Variants in ISM2 observed in about 807,000 individuals in gnomAD.
The protein encoded by ISM2 is isthmin 2.
In ISM2, 50 loss-of-function variants were observed where a neutral mutation model predicts 58.0. That is an observed-to-expected ratio of 0.86 (90% CI 0.69 to 1.09). The LOEUF (loss-of-function observed/expected upper bound fraction) is 1.09. ISM2 is among the 50% of genes least tolerant of loss of function. The probability of loss-of-function intolerance (pLI) is 0.00; values close to 1 mark genes in which losing one functional copy is unlikely to be tolerated. For synonymous variants in ISM2, 303 were observed against 312.4 expected (o/e 0.97, Z 0.32); for missense variants, 723 against 745.0 (o/e 0.97, Z 0.34).
chr14:77,476,110 C>T lies in ISM2; in HGVS notation c.1201G>A (p.Val401Met). ...TTCAGCCACTTCTCACAGCTGTCCA[C>T]ATCTGCAAAGGGCCACAAAGTGCAG... is the stretch of plus-strand genomic sequence containing the variant. ...RNATDMHDQD[V>M]DSCEKWLNCK... The change falls in exon 7 of 7, where the codon GTG (valine) becomes ATG (methionine). Residue 401 changes from valine (V) to methionine (M), a missense_variant and splice_region_variant. Val to Met is a conservative substitution (Grantham distance 21). Coordinates refer to ENST00000342219, the MANE Select transcript of ISM2 (RefSeq NM_199296.3). The T allele has an allele frequency of 1.3e-6, 2 of 1,514,914 alleles. No homozygotes were observed. The highest frequency in any genetic ancestry group is 1.8e-6 in the Non-Finnish European group (2 of 1,136,282). 93.8% of individuals were successfully genotyped at this position (1,514,914 alleles called of 1,614,324 possible).
Position 77,476,172 on chromosome 14 carries a change from C to T in ISM2, c.1199-60G>A, listed in dbSNP as rs116040727. 7,049 of 1,487,734 alleles carry T rather than the reference C, an allele frequency of 4.7e-3. 280 individuals carry two copies. In the African/African-American group the frequency reaches 0.086, roughly 18 times the overall value. The allele number at this position is 1,487,734 out of a possible 1,614,324, so 92.2% of individuals were successfully genotyped here. A position where few individuals can be genotyped will look rare whatever the true frequency, so the allele number is the denominator to read the frequency against. On this transcript the variant is annotated intron_variant, in intron 6 of 6. Transcript: ENST00000342219. ...GTGACAGAGCCAGGCCCGTGTGGGG[C>T]GGGGACTGATTAAGGGCCAGTGCAT...
At chr14:77,493,107 C>T (rs2139972268) in intron 1 of ISM2, among the ~76,000 whole-genome samples, 1 of 152,264 alleles carries the variant, frequency 6.6e-6, no homozygotes, top group South Asian at 2.1e-4. Context: ...AAGCAATTCT[C>T]CCACTTCAGC....
chr14:77,478,184 C>A, intron 6 of ISM2, 58 bp downstream of exon 6: 1 of 1,398,992 alleles, frequency 7.1e-7, no homozygotes, highest in Non-Finnish European at 1.0e-6. Flanking sequence ...TAATACCCCA[C>A]CCTCCCCTGA....
chr14:77,483,031 C>A (rs981933969), intron 3 of ISM2: 9 of 196,298 alleles, frequency 4.6e-5, no homozygotes, highest in Non-Finnish European at 8.1e-5. Flanking sequence ...ATCTGCTGGA[C>A]CTGGGCAGCT....
rs939468990 is a variant in ISM2, at chr14:77,482,312, G to A, written c.973+10C>T. 5.6e-6 allele frequency: 9 copies of A among 1,602,532 alleles called. No homozygotes were observed. In the Admixed American group the frequency reaches 8.4e-5, roughly 15 times the overall value. On this transcript the variant is annotated intron_variant, in intron 4 of 6. Coordinates refer to ENST00000342219, the MANE Select transcript of ISM2 (RefSeq NM_199296.3). Reference sequence around the variant, plus strand: ...GAGCAGCCTGGGGATGCCAAGATGGGGGTGCTCACCGTAGCTGACAGAATC... The same window carrying A: ...GAGCAGCCTGGGGATGCCAAGATGGAGGTGCTCACCGTAGCTGACAGAATC...
intron 4 of ISM2, 143 bp from the exon 5 acceptor site, chr14:77,478,858 C>CCACCG: frequency 2.6e-6 from 2 of 763,722 alleles, no homozygotes; most frequent in Admixed American, 2.6e-5. Context: ...GGCTGGATTT[C>CCACCG]AGCTTCCACC....
chr14:77,476,187 G>GA, intron 6 of ISM2, 75 bp from the exon 7 acceptor site: 1 of 1,460,470 alleles, frequency 6.8e-7, no homozygotes, highest in Non-Finnish European at 9.1e-7. Flanking sequence ...ACTGATTAAG[G>GA]GCCAGTGCAT....
At position 77,484,362 on chromosome 14, in the gene ISM2, C is replaced by T; in HGVS notation, c.588G>A (p.Leu196=). Reference sequence around the variant, plus strand: ...TAGGGGTACTCAAGGTTGCGTGGACCAATTCTGGCAGCTTCTGCAGCTCCA... The same window carrying T: ...TAGGGGTACTCAAGGTTGCGTGGACTAATTCTGGCAGCTTCTGCAGCTCCA... ...LLLELQKLPE[L]VHATLSTPNP... The change falls in exon 3 of 7, where the codon TTG becomes TTA. Residue 196 remains leucine, a synonymous_variant. Transcript: ENST00000342219. 1 of 1,611,954 alleles carries T rather than the reference C, an allele frequency of 6.2e-7. No homozygotes were observed. Among genetic ancestry groups the T allele is most frequent in the Non-Finnish European group, 8.5e-7 (1 of 1,179,054 alleles).
At chr14:77,488,016 C>T (rs867920101) in intron 1 of ISM2, among the ~76,000 whole-genome samples, 8 of 152,122 alleles carry the variant, frequency 5.3e-5, no homozygotes, top group South Asian at 2.1e-4. Flanking sequence ...GGATCAGGGC[C>T]GGGCACCCAG....
chr14:77,484,120 G>T, intron 3 of ISM2: 1 of 606,158 alleles, frequency 1.6e-6, no homozygotes, highest in Non-Finnish European at 2.8e-6. Flanking sequence ...CAAAAGACTT[G>T]CCCAAGGCCC....
At chr14:77,495,478 T>C (rs2079233341) in intron 1 of ISM2, among the ~76,000 whole-genome samples, 1 of 152,222 alleles carries the variant, frequency 6.6e-6, no homozygotes, top group Admixed American at 6.5e-5. Flanking sequence ...AAAGTATTCA[T>C]GCCAAGTGAG....
intron 1 of ISM2, among the ~76,000 whole-genome samples, chr14:77,487,087 C>CA (rs948823967): frequency 1.3e-5 from 2 of 150,460 alleles, no homozygotes; most frequent in African/African-American, 2.4e-5. Flanking sequence ...ACTAAAAATA[C>CA]AAAAAAAATT....
At chr14:77,489,699 C>A (rs1295456292) in intron 1 of ISM2, among the ~76,000 whole-genome samples, 1 of 152,144 alleles carries the variant, frequency 6.6e-6, no homozygotes, top group Non-Finnish European at 1.5e-5. Flanking sequence ...CCAGCGGAGG[C>A]TGCAAAGCTC....
At chr14:77,486,443 G>A (rs1191962875) in intron 1 of ISM2, among the ~76,000 whole-genome samples, 4 of 152,338 alleles carry the variant, frequency 2.6e-5, no homozygotes, top group Admixed American at 2.6e-4. Context: ...CTGAGTCAAA[G>A]CCCTCTAGTC....
intron 4 of ISM2, 130 bp from the exon 5 acceptor site, chr14:77,478,845 CTG>C: frequency 1.1e-6 from 1 of 931,978 alleles, no homozygotes; most frequent in Admixed American, 2.4e-5. Context: ...ATGAATGAAG[CTG>C]GGCTGGATTT....
intron 1 of ISM2, among the ~76,000 whole-genome samples, chr14:77,495,056 T>C (rs2079230350): frequency 6.6e-6 from 1 of 151,942 alleles, no homozygotes; most frequent in Non-Finnish European, 1.5e-5. Flanking sequence ...AGCTAATTTT[T>C]GTATTTTTTG....
chr14:77,474,593 G>A lies in ISM2; in HGVS notation c.*1002C>T, dbSNP rs1014393138. 5.9e-5 allele frequency: 9 copies of A among 152,320 alleles called. No individual in the cohort carries two copies. Among genetic ancestry groups the A allele is most frequent in the East Asian group, 1.9e-4 (1 of 5,196 alleles). 9.4% of individuals were successfully genotyped at this position (152,320 alleles called of 1,614,324 possible). On this transcript the variant is annotated 3_prime_UTR_variant, in exon 7 of 7. Transcript: ENST00000342219. ...AGGGAAGAGGCATGAGGTGTGCCGG[G>A]AGAGCGATTATGTGCATCTCTTCCC...
chr14:77,498,766 G>A lies in ISM2; in HGVS notation c.28C>T (p.Leu10Phe), dbSNP rs759724696. 9 of 1,469,662 alleles carry A rather than the reference G, an allele frequency of 6.1e-6. No individual in the cohort carries two copies. The African/African-American group carries it at 1.3e-4, about 22-fold the overall frequency. The allele number at this position is 1,469,662 out of a possible 1,614,324, so 91.0% of individuals were successfully genotyped here. ...GCCAGCAGCAGCACGCAGAGGAGGA[G>A]CCCGGCTCGGTCGCGGAGCGCACGC... MRALRDRAG[L>F]LLCVLLLAAL... Residue 10 changes from leucine to phenylalanine, a missense_variant, in exon 1 of 7, where the codon CTC becomes TTC. Physicochemically the swap from Leu to Phe is conservative, Grantham distance 22. Transcript: ENST00000342219.
rs766852130 is a variant in ISM2 at position 77,484,349 on chromosome 14, A to G, written c.601T>C (p.Leu201=). ...TGGTTATCAGGGTTAGGGGTACTCA[A>G]GGTTGCGTGGACCAATTCTGGCAGC... ...QKLPELVHAT[L]STPNPDNQVT... is the part of the protein sequence containing the mutation. Residue 201 remains leucine, a synonymous_variant, in exon 3 of 7, where the codon TTG becomes CTG. Transcript: ENST00000342219. The G allele has an allele frequency of 6.5e-5, 105 of 1,611,608 alleles. No homozygotes were observed. The highest frequency in any genetic ancestry group is 8.6e-5 in the Non-Finnish European group (101 of 1,178,792).
Sources: allele counts gnomAD v4.1 joint callset (sites outside exome capture counted in the v4.1 genomes callset), GRCh38; gene constraint gnomAD v4.1.1; transcripts MANE v1.5; gene names NCBI Gene and HGNC (gene_info 2026-07-23, HGNC 2026-07-21).